The following PRRC2A variants were observed in gnomAD, a reference collection of about 807,000 sequenced individuals.
The protein encoded by PRRC2A is protein PRRC2A.
PRRC2A carries 59 observed loss-of-function variants against 224.6 expected under a neutral mutation model. That is an observed-to-expected ratio of 0.26 (90% confidence interval 0.21 to 0.33). The LOEUF is 0.33. Ranked by LOEUF, PRRC2A falls within the 10% of genes least tolerant of loss-of-function variation. PRRC2A has a pLI of 1.00. For synonymous variants in PRRC2A, 1,194 were observed against 1,109.5 expected, an observed-to-expected ratio of 1.08 and a Z score of -1.51; for missense variants, 3,095 against 2,880.7, an observed-to-expected ratio of 1.07 and a Z score of -1.70.
chr6:31,624,839 C>T (rs1343582957), intron 5 of PRRC2A: 1 of 512,852 alleles, frequency 1.9e-6, no homozygotes, highest in Non-Finnish European at 3.5e-6. Context: ...CATTCTGTCA[C>T]CCAGGCTGGA....
rs1274916317 is a variant in PRRC2A at position 31,632,749 on chromosome 6, G to A, written c.4076G>A (p.Gly1359Asp). ...KAVGTPGGGG[G>D]GAVPGISAMS... is the part of the protein sequence containing the mutation. ...GTGGGAACTCCTGGGGGAGGTGGAGGTGGAGCCGTACCAGGTATTTCAGCC... is the reference window on the plus strand; with the variant it reads ...GTGGGAACTCCTGGGGGAGGTGGAGATGGAGCCGTACCAGGTATTTCAGCC... The change falls in exon 16 of 31, where the codon GGT becomes GAT. Residue 1359 changes from glycine (G) to aspartate (D), a missense_variant. By Grantham distance (94) the Gly-to-Asp change is moderately conservative (BLOSUM62 -1). Transcript: ENST00000376033. 6.2e-7 allele frequency: 1 copy of A among 1,613,098 alleles called. No homozygotes were observed. Among genetic ancestry groups the A allele is most frequent in the Admixed American group, 1.7e-5 (1 of 60,030 alleles).
In PRRC2A at chr6:31,629,782, G is replaced by A; in HGVS notation, c.2191G>A (p.Asp731Asn). ...ATGGATGATGATTCCTCCTTATGTG[G>A]ACCCCCGGCTCCTCCAGGGTCGTCC... is the stretch of plus-strand genomic sequence containing the variant. Reference protein sequence around the residue: ...PRWMMIPPYVDPRLLQGRPPL... With the variant: ...PRWMMIPPYVNPRLLQGRPPL... Residue 731 changes from aspartate to asparagine, a missense_variant, in exon 14 of 31, where the codon GAC becomes AAC. Around this residue, in one of 8 missense-constraint regions of PRRC2A, gnomAD observed 2,001 missense variants for 1,764.9 expected, o/e 1.13. Coordinates refer to ENST00000376033, the MANE Select transcript of PRRC2A (RefSeq NM_004638.4). The A allele has an allele frequency of 6.2e-7, 1 of 1,613,760 alleles. No homozygotes were observed. The highest frequency in any genetic ancestry group is 8.5e-7 in the Non-Finnish European group (1 of 1,179,852).
chr6:31,625,821 G>C lies in PRRC2A; in HGVS notation c.789G>C (p.Pro263=). 6.3e-7 allele frequency: 1 copy of C among 1,588,000 alleles called. No homozygotes were observed. The highest frequency in any genetic ancestry group is 8.6e-7 in the Non-Finnish European group (1 of 1,157,272). The change falls in exon 8 of 31, where the codon CCG becomes CCC. Residue 263 remains proline, a synonymous_variant. Transcript: ENST00000376033. This position sits in a 1 kb window ranked among gnomAD's most constrained non-coding sequence, Gnocchi z 4.1. ...FMYPPYLPFP[P]PYGPQGPYRY... Reference sequence around the variant, plus strand: ...ATCCCCCATATCTCCCGTTCCCTCCGCCCTATGGACCCCAGGGGCCTTACC... The same window carrying C: ...ATCCCCCATATCTCCCGTTCCCTCCCCCCTATGGACCCCAGGGGCCTTACC...
chr6:31,625,157 C>T lies in PRRC2A; in HGVS notation c.464-14C>T. On this transcript the variant is annotated splice_polypyrimidine_tract_variant and intron_variant, in intron 5 of 30. Transcript: ENST00000376033. This position sits in a 1 kb window ranked among gnomAD's most constrained non-coding sequence, Gnocchi z 4.1. ...ATGTCTTCTGTCTCCTGTTCTGCAT[C>T]CCCATCCTAATAGGTGGAAGGGCAT... 1.2e-6 allele frequency: 2 copies of T among 1,608,368 alleles called. No individual in the cohort carries two copies. Among genetic ancestry groups the T allele is most frequent in the Admixed American group, 1.7e-5 (1 of 59,882 alleles).
At chr6:31,624,003 C>T (rs1775607019) in intron 3 of PRRC2A, 94 bp downstream of exon 3, 1 of 1,448,912 alleles carries the variant, frequency 6.9e-7, no homozygotes, top group Non-Finnish European at 9.4e-7. Context: ...ACGTCTGAGC[C>T]AGAGACGAAG....
rs1260311623 is a variant in PRRC2A, at chr6:31,631,084, C to T, written c.2466-55C>T. ...TCATAATAAAGTGTTCTTTTCCCACCTAGTTCTGGTTTTCCTGAGATACTT... is the reference window on the plus strand; with the variant it reads ...TCATAATAAAGTGTTCTTTTCCCACTTAGTTCTGGTTTTCCTGAGATACTT... On this transcript the variant is annotated intron_variant, in intron 15 of 30. Coordinates refer to ENST00000376033, the MANE Select transcript of PRRC2A (RefSeq NM_004638.4). The surrounding 1 kb of genome is among the most constrained non-coding windows in gnomAD (Gnocchi z 4.5). The T allele has an allele frequency of 1.3e-5, 19 of 1,412,594 alleles. No homozygotes were observed. The East Asian group carries it at 4.2e-4, about 31-fold the overall frequency. The allele number at this position is 1,412,594 out of a possible 1,614,324, so 87.5% of individuals were successfully genotyped here. A position where few individuals can be genotyped will look rare whatever the true frequency, so the allele number is the denominator to read the frequency against.
chr6:31,636,367 T>C lies in PRRC2A; in HGVS notation c.5783T>C (p.Leu1928Pro). Residue 1928 changes from leucine to proline, a missense_variant, in exon 26 of 31, where the codon CTC (leucine) becomes CCC (proline). By Grantham distance (98) the Leu-to-Pro change is moderately conservative. This residue lies in a region of PRRC2A where 662 missense variants were observed against 609.5 expected (regional missense o/e 1.09). Coordinates refer to ENST00000376033, the MANE Select transcript of PRRC2A (RefSeq NM_004638.4). This position sits in a 1 kb window ranked among gnomAD's most constrained non-coding sequence, Gnocchi z 4.3. ...GGVLYPPPSF[L>P]YSPAFCPSPL... ...GTTCTCTACCCTCCACCTTCCTTCC[T>C]CTACTCTCCGGCTTTCTGCCCCAGT... 1 of 1,612,954 alleles carries C rather than the reference T, an allele frequency of 6.2e-7. No individual in the cohort carries two copies. The highest frequency in any genetic ancestry group is 8.5e-7 in the Non-Finnish European group (1 of 1,179,986).
rs1360593960 is a variant in PRRC2A at position 31,630,697 on chromosome 6, A to G, written c.2361A>G (p.Pro787=). The G allele has an allele frequency of 6.2e-7, 1 of 1,614,128 alleles. No individual in the cohort carries two copies. Among genetic ancestry groups the G allele is most frequent in the East Asian group, 2.2e-5 (1 of 44,888 alleles). The change falls in exon 15 of 31, where the codon CCA becomes CCG. Residue 787 remains proline, a synonymous_variant. Transcript: ENST00000376033. ...AACGGGGCACTCCACCGGTGGATCC[A>G]AAGTTGGCCTGGGTAGGAGATGTCT... ...LRERGTPPVD[P]KLAWVGDVFT...
In PRRC2A at chr6:31,622,607, G is replaced by A. The variant is rs866788693; in HGVS notation, c.-100-83G>A. On this transcript the variant is annotated intron_variant, in intron 1 of 30. Transcript: ENST00000376033. ...GAGTGGGCAGTTTACATAGACTGGA[G>A]GAAAAGACACCAGAGGGCCTCATAT... The A allele has an allele frequency of 5.4e-6, 3 of 559,774 alleles. No homozygotes were observed. In the African/African-American group the frequency reaches 5.8e-5, roughly 11 times the overall value. The allele number at this position is 559,774 out of a possible 1,614,324, so 34.7% of individuals were successfully genotyped here.
Position 31,629,781 on chromosome 6 carries a change from G to A in PRRC2A, c.2190G>A (p.Val730=), listed in dbSNP as rs1211527909. Residue 730 remains valine, a synonymous_variant, in exon 14 of 31, where the codon GTG becomes GTA. Transcript: ENST00000376033. The stretch of plus-strand genomic sequence containing the variant: ...GATGGATGATGATTCCTCCTTATGT[G>A]GACCCCCGGCTCCTCCAGGGTCGTC... ...DPRWMMIPPY[V]DPRLLQGRPP... The A allele has an allele frequency of 6.2e-7, 1 of 1,613,376 alleles. No homozygotes were observed. The highest frequency in any genetic ancestry group is 1.3e-5 in the African/African-American group (1 of 74,800).
In PRRC2A at chr6:31,636,757, C is replaced by G; in HGVS notation, c.5959C>G (p.Gln1987Glu). 6.2e-7 allele frequency: 1 copy of G among 1,607,008 alleles called. No homozygotes were observed. The highest frequency in any genetic ancestry group is 8.5e-7 in the Non-Finnish European group (1 of 1,180,002). ...QQMLLPMVDS[Q>E]LPVVNFGSLP... ...GATGCTTCTACCCATGGTAGACTCA[C>G]AGCTGCCTGTGGTGAACTTTGGCTC... The change falls in exon 28 of 31, where the codon CAG becomes GAG. Residue 1987 changes from glutamine to glutamate, a missense_variant. Transcript: ENST00000376033. The surrounding 1 kb of genome is among the most constrained non-coding windows in gnomAD (Gnocchi z 4.3).
Position 31,631,315 on chromosome 6 carries a change from C to T in PRRC2A, c.2642C>T (p.Pro881Leu). The T allele has an allele frequency of 6.2e-7, 1 of 1,607,722 alleles. No homozygotes were observed. Among genetic ancestry groups the T allele is most frequent in the Admixed American group, 1.7e-5 (1 of 58,478 alleles). ...DEVAKIQTPP[P>L]KKEPPKEETA... Reference sequence around the variant, plus strand: ...GTGGCCAAGATACAAACTCCACCACCCAAGAAGGAGCCCCCTAAGGAGGAG... The same window carrying T: ...GTGGCCAAGATACAAACTCCACCACTCAAGAAGGAGCCCCCTAAGGAGGAG... Residue 881 changes from proline (P) to leucine (L), a missense_variant, in exon 16 of 31, where the codon CCC (proline) becomes CTC (leucine). By Grantham distance (98) the Pro-to-Leu change is moderately conservative. Transcript: ENST00000376033. The surrounding 1 kb of genome is among the most constrained non-coding windows in gnomAD (Gnocchi z 4.5).
At chr6:31,622,635 G>C in intron 1 of PRRC2A, 55 bp from the exon 2 acceptor site, 2 of 616,876 alleles carry the variant, frequency 3.2e-6, no homozygotes. Flanking sequence ...CCTCATATCT[G>C]AGTCCCTAAT....
At position 31,627,768 on chromosome 6, in the gene PRRC2A, C is replaced by T. The variant is rs1561807442; in HGVS notation, c.1294C>T (p.Arg432Cys). ...NWGPPGDYPD[R>C]GGPPCKPPAP... is the part of the protein sequence containing the mutation. Reference sequence around the variant, plus strand: ...GCTGGGTCTTGCCAATTGACAGGATCGTGGGGGTCCTCCCTGCAAGCCCCC... The same window carrying T: ...GCTGGGTCTTGCCAATTGACAGGATTGTGGGGGTCCTCCCTGCAAGCCCCC... The change falls in exon 12 of 31, where the codon CGT (arginine) becomes TGT (cysteine). Residue 432 changes from arginine to cysteine, a missense_variant. Around this residue, in one of 8 missense-constraint regions of PRRC2A, gnomAD observed 2,001 missense variants for 1,764.9 expected, o/e 1.13. Coordinates refer to ENST00000376033, the MANE Select transcript of PRRC2A (RefSeq NM_004638.4). The surrounding 1 kb of genome is among the most constrained non-coding windows in gnomAD (Gnocchi z 5.6). The T allele has an allele frequency of 4.3e-6, 7 of 1,611,838 alleles. No individual in the cohort carries two copies. The highest frequency in any genetic ancestry group is 1.7e-4 in the Middle Eastern group (1 of 5,836).
At position 31,630,778 on chromosome 6, in the gene PRRC2A, G is replaced by T. The variant is rs78226731; in HGVS notation, c.2442G>T (p.Ala814=). 2 of 1,614,138 alleles carry T rather than the reference G, an allele frequency of 1.2e-6. No individual in the cohort carries two copies. Among genetic ancestry groups the T allele is most frequent in the South Asian group, 2.2e-5 (2 of 91,066 alleles). Residue 814 remains alanine (A), a synonymous_variant, in exon 15 of 31, where the codon GCG becomes GCT. Coordinates refer to ENST00000376033, the MANE Select transcript of PRRC2A (RefSeq NM_004638.4). ...TTACCTCACCTCTGCGCCAGGCTGC[G>T]GATGAGGATGACAAGGGGATGAGGT... ...RPLTSPLRQA[A]DEDDKGMRSE...
In PRRC2A at chr6:31,630,799, G is replaced by T. The variant is rs1358759013; in HGVS notation, c.2463G>T (p.Met821Ile). 1.2e-6 allele frequency: 2 copies of T among 1,613,878 alleles called. No individual in the cohort carries two copies. ...CTGCGGATGAGGATGACAAGGGGAT[G>T]AGGTGAGTCTTGGTCATGAGAAATG... ...RQAADEDDKGMRSETPPVPPP... is the reference protein window; with the variant it reads ...RQAADEDDKGIRSETPPVPPP... The change falls in exon 15 of 31, where the codon ATG becomes ATT. Residue 821 changes from methionine (M) to isoleucine (I), a missense_variant and splice_region_variant. Physicochemically the swap from Met to Ile is conservative, Grantham distance 10. Around this residue, in one of 8 missense-constraint regions of PRRC2A, gnomAD observed 2,001 missense variants for 1,764.9 expected, o/e 1.13. Coordinates refer to ENST00000376033, the MANE Select transcript of PRRC2A (RefSeq NM_004638.4).
Position 31,626,151 on chromosome 6 carries a change from A to G in PRRC2A, c.971A>G (p.Asp324Gly), listed in dbSNP as rs1775886252. ...GATCAGTTGGATCAGGAGAATGATG[A>G]TGGTTGGGCAGGTAAGTGGATATTA... is the stretch of plus-strand genomic sequence containing the variant. ...EFDQLDQEND[D>G]GWAGAHEEVD... Residue 324 changes from aspartate (D) to glycine (G), a missense_variant, in exon 9 of 31, where the codon GAT becomes GGT. Around this residue, in one of 8 missense-constraint regions of PRRC2A, gnomAD observed 287 missense variants for 275.3 expected, o/e 1.04. Transcript: ENST00000376033. The G allele has an allele frequency of 6.2e-7, 1 of 1,612,338 alleles. No homozygotes were observed. The highest frequency in any genetic ancestry group is 1.3e-5 in the African/African-American group (1 of 74,976).
chr6:31,625,317 G>A lies in PRRC2A; in HGVS notation c.607+3G>A. 1.2e-6 allele frequency: 2 copies of A among 1,613,960 alleles called. No homozygotes were observed. Among genetic ancestry groups the A allele is most frequent in the Non-Finnish European group, 1.7e-6 (2 of 1,180,048 alleles). Reference sequence around the variant, plus strand: ...CGGACCAAGCCTCCGCCCCCAAAGTGAGTGGCTGCCTTTTGGCCAAGACAT... The same window carrying A: ...CGGACCAAGCCTCCGCCCCCAAAGTAAGTGGCTGCCTTTTGGCCAAGACAT... On this transcript the variant is annotated splice_donor_region_variant and intron_variant, in intron 6 of 30. Coordinates refer to ENST00000376033, the MANE Select transcript of PRRC2A (RefSeq NM_004638.4). The surrounding 1 kb of genome is among the most constrained non-coding windows in gnomAD (Gnocchi z 4.1).
chr6:31,634,418 G>T, intron 19 of PRRC2A, 53 bp downstream of exon 19: 1 of 1,612,122 alleles, frequency 6.2e-7, no homozygotes, highest in Admixed American at 1.7e-5. Flanking sequence ...AATGAGAGGG[G>T]CTTCTGAACT....
Sources: gnomAD v4.1 joint callset for allele counts on GRCh38, gnomAD v4.1.1 for gene constraint, gnomAD v4.1.1 regional missense constraint, Gnocchi (gnomAD v3.1) non-coding constraint, MANE v1.5 for transcripts, NCBI Gene and HGNC (gene_info 2026-07-23, HGNC 2026-07-21) for gene names.